OPCML: variants seen among roughly 807,000 people sequenced by gnomAD.
The protein encoded by OPCML is opioid binding protein/cell adhesion molecule like, also known as opioid-binding protein/cell adhesion molecule.
A neutral mutation model predicts 37.8 loss-of-function variants in OPCML; 13 were observed. That is an observed-to-expected ratio of 0.34 (90% CI 0.22 to 0.55). The LOEUF is 0.55. Among genes scored for constraint, OPCML ranks in the 20% least tolerant of loss-of-function variants. The pLI is 0.91. For synonymous variants in OPCML, 176 were observed against 168.8 expected (o/e 1.04, Z -0.33); for missense variants, 341 against 435.6 (o/e 0.78, Z 1.93).
At chr11:132,789,966 G>A (rs531037042) in intron 2 of OPCML, among the ~76,000 whole-genome samples, 4 of 152,172 alleles carry the variant, frequency 2.6e-5, no homozygotes, top group South Asian at 2.1e-4. Context: ...AAGATATCTC[G>A]AACAACTCAT....
intron 2 of OPCML, among the ~76,000 whole-genome samples, chr11:132,689,588 G>A (rs909763302): frequency 2.6e-5 from 4 of 152,284 alleles, no homozygotes; most frequent in African/African-American, 9.6e-5. Flanking sequence ...ATGGCTCAAT[G>A]TCATAAATTG....
At chr11:132,678,872 TAC>T (rs1445201451) in intron 2 of OPCML, among the ~76,000 whole-genome samples, 6 of 152,040 alleles carry the variant, frequency 3.9e-5, no homozygotes, top group African/African-American at 7.2e-5. Flanking sequence ...TATTGTGAAC[TAC>T]ACAGTCTGCC....
intron 3 of OPCML, among the ~76,000 whole-genome samples, chr11:132,544,252 C>T (rs1032793770): frequency 2.0e-5 from 3 of 152,038 alleles, no homozygotes; most frequent in African/African-American, 4.8e-5. Context: ...TACTCCAGAC[C>T]ATAACGTCAC....
At chr11:132,843,371 T>C (rs1376341094) in intron 2 of OPCML, among the ~76,000 whole-genome samples, 1 of 152,142 alleles carries the variant, frequency 6.6e-6, no homozygotes, top group Admixed American at 6.5e-5. Flanking sequence ...AGTGCTGGGA[T>C]TTAAAGTGTG....
At chr11:133,497,538 T>C (rs1350789117) in intron 1 of OPCML, among the ~76,000 whole-genome samples, 1 of 152,108 alleles carries the variant, frequency 6.6e-6, no homozygotes, top group Non-Finnish European at 1.5e-5. Context: ...GTTACTACGA[T>C]GCTTTCTGGA....
intron 1 of OPCML, among the ~76,000 whole-genome samples, chr11:133,043,741 G>C (rs1004658210): frequency 2.6e-5 from 4 of 151,776 alleles, no homozygotes; most frequent in African/African-American, 9.7e-5. Context: ...GAAAAGTGCA[G>C]GAAAAAAAGG....
intron 1 of OPCML, among the ~76,000 whole-genome samples, chr11:133,202,390 C>G (rs1335496441): frequency 6.6e-6 from 1 of 152,234 alleles, no homozygotes; most frequent in Non-Finnish European, 1.5e-5. Context: ...AAACAAGGAA[C>G]TGGACTCATG....
At chr11:133,017,177 G>C (rs1267677556) in intron 1 of OPCML, among the ~76,000 whole-genome samples, 1 of 151,952 alleles carries the variant, frequency 6.6e-6, no homozygotes, top group Non-Finnish European at 1.5e-5. Flanking sequence ...CTGATTTTCT[G>C]CCTCTTCTTT....
chr11:132,882,341 A>C (rs1021567029), intron 2 of OPCML, among the ~76,000 whole-genome samples: 6 of 152,220 alleles, frequency 3.9e-5, no homozygotes, highest in African/African-American at 1.4e-4. Flanking sequence ...TCTGCAACAT[A>C]AAACTTCCTA....
chr11:132,632,686 G>A (rs1423081041), intron 3 of OPCML, among the ~76,000 whole-genome samples: 2 of 152,000 alleles, frequency 1.3e-5, no homozygotes, highest in Non-Finnish European at 2.9e-5. Context: ...AGCAAGGCGA[G>A]GTAATCACTC....
intron 1 of OPCML, among the ~76,000 whole-genome samples, chr11:133,444,345 C>A (rs6590698): frequency 2.6e-5 from 4 of 152,010 alleles, no homozygotes; most frequent in African/African-American, 7.2e-5. Context: ...TTTTCAAAAC[C>A]TTAAACATGT....
At chr11:132,736,624 G>T (rs1945269557) in intron 2 of OPCML, among the ~76,000 whole-genome samples, 1 of 152,178 alleles carries the variant, frequency 6.6e-6, no homozygotes, top group African/African-American at 2.4e-5. Context: ...TGTCTACCAT[G>T]ATCTCTTTCT....
At chr11:133,392,230 A>G in intron 1 of OPCML, among the ~76,000 whole-genome samples, 1 of 152,214 alleles carries the variant, frequency 6.6e-6, no homozygotes, top group East Asian at 1.9e-4. Context: ...TTTTACAGCT[A>G]AGGAATCTGA....
At position 133,274,325 on chromosome 11, in the gene OPCML, G is replaced by C. The variant is rs945567043; in HGVS notation, c.61+257939C>G. On this transcript the variant is annotated intron_variant, in intron 1 of 7. Transcript: ENST00000524381. ...TTCCTGTGCGGTCATACTGGAATAG[G>C]GTGGGCCATTAATCCAATATGGCTC... is the stretch of plus-strand genomic sequence containing the variant. 4.9e-5 allele frequency among the ~76,000 whole-genome samples: 7 copies of C among 143,468 alleles called. No individual in the cohort carries two copies. The Admixed American group carries it at 5.2e-4, about 11-fold the overall frequency. The allele number at this position is 143,468 out of a possible 152,430, so 94.1% of individuals were successfully genotyped here.
chr11:132,570,407 G>A (rs1413045059), intron 3 of OPCML, among the ~76,000 whole-genome samples: 1 of 152,074 alleles, frequency 6.6e-6, no homozygotes, highest in Non-Finnish European at 1.5e-5. Flanking sequence ...GGGAAAGTTT[G>A]TGAGGACATG....
chr11:133,403,444 C>A (rs1013169048), intron 1 of OPCML, among the ~76,000 whole-genome samples: 3 of 152,070 alleles, frequency 2.0e-5, no homozygotes, highest in Admixed American at 6.5e-5. Flanking sequence ...ACATACCATA[C>A]CTTGATTTGT....
chr11:133,164,422 C>A (rs1263006680), intron 1 of OPCML, among the ~76,000 whole-genome samples: 7 of 152,190 alleles, frequency 4.6e-5, no homozygotes, highest in Non-Finnish European at 8.8e-5. Context: ...ATGTTTTGGG[C>A]ACCTTGTCAG....
At chr11:133,514,894 G>C (rs1591587669) in intron 1 of OPCML, among the ~76,000 whole-genome samples, 2 of 152,178 alleles carry the variant, frequency 1.3e-5, no homozygotes, top group African/African-American at 4.8e-5. Flanking sequence ...TGCTCATTGA[G>C]AGAGTCAGTC....
intron 1 of OPCML, among the ~76,000 whole-genome samples, chr11:133,328,456 C>T (rs974570555): frequency 1.3e-5 from 2 of 152,126 alleles, no homozygotes; most frequent in African/African-American, 4.8e-5. Flanking sequence ...CTGTGCCCAG[C>T]CTTAAAGATT....
Sources: allele counts gnomAD v4.1 joint callset (sites outside exome capture counted in the v4.1 genomes callset), GRCh38; gene constraint gnomAD v4.1.1; transcripts MANE v1.5; gene names NCBI Gene and HGNC (gene_info 2026-07-23, HGNC 2026-07-21).